Variants in KHDRBS2 observed in about 807,000 individuals in gnomAD.
KHDRBS2 encodes KH RNA binding domain containing, signal transduction associated 2.
A neutral mutation model predicts 44.3 loss-of-function variants in KHDRBS2; 26 were observed. The observed-to-expected ratio is 0.59, with a 90% CI of 0.43 to 0.81. KHDRBS2 has a LOEUF of 0.81. Among genes scored for constraint, KHDRBS2 ranks in the 40% least tolerant of loss-of-function variants. The pLI is 0.00. For missense variants in KHDRBS2, 476 were observed against 433.1 expected, an observed-to-expected ratio of 1.10 and a Z score of -0.88; for synonymous variants, 194 against 151.1, an observed-to-expected ratio of 1.28 and a Z score of -2.08.
chr6:61,688,218 C>T (rs1767025232), intron 8 of KHDRBS2, among the ~76,000 whole-genome samples: 1 of 151,646 alleles, frequency 6.6e-6, no homozygotes, highest in South Asian at 2.1e-4. Context: ...GAGTTAATAA[C>T]TCATTTAAAT....
At chr6:61,851,808 G>A (rs934769348) in intron 6 of KHDRBS2, among the ~76,000 whole-genome samples, 5 of 152,202 alleles carry the variant, frequency 3.3e-5, no homozygotes, top group African/African-American at 9.6e-5. Context: ...CTATTTATAT[G>A]CTACTGCATC....
chr6:61,945,112 A>ATGT (rs1491476068), intron 4 of KHDRBS2, among the ~76,000 whole-genome samples: 1 of 48,416 alleles, frequency 2.1e-5, no homozygotes, highest in African/African-American at 8.2e-5. Context: ...AAAAAAAAAA[A>ATGT]GTATATATAT....
intron 2 of KHDRBS2, among the ~76,000 whole-genome samples, chr6:62,123,280 T>A (rs1337184602): frequency 6.6e-6 from 1 of 152,236 alleles, no homozygotes; most frequent in Non-Finnish European, 1.5e-5. Flanking sequence ...TGCCACATTT[T>A]CTTAATCCAG....
the KHDRBS2 span, among the ~76,000 whole-genome samples, chr6:61,559,878 G>C: frequency 6.6e-6 from 1 of 151,956 alleles, no homozygotes; most frequent in African/African-American, 2.4e-5. Context: ...AACATTCTTT[G>C]TTTTTCTGTG....
intron 7 of KHDRBS2, among the ~76,000 whole-genome samples, chr6:61,712,011 T>G (rs1488891021): frequency 6.6e-6 from 1 of 151,808 alleles, no homozygotes; most frequent in South Asian, 2.1e-4. Context: ...TGCAAAGAGC[T>G]GGGCTTGGCA....
chr6:62,278,767 T>G (rs540328167), intron 1 of KHDRBS2, among the ~76,000 whole-genome samples: 6 of 152,284 alleles, frequency 3.9e-5, no homozygotes, highest in Non-Finnish European at 7.4e-5. Flanking sequence ...TGTGCCAGAC[T>G]GAGTGCTAGA....
At chr6:61,639,021 G>A in the KHDRBS2 span, among the ~76,000 whole-genome samples, 2 of 152,076 alleles carry the variant, frequency 1.3e-5, no homozygotes, top group East Asian at 1.9e-4. Flanking sequence ...GCATCTAGCT[G>A]TTGGGCAAAA....
At chr6:62,058,917 T>A (rs1166368027) in intron 2 of KHDRBS2, among the ~76,000 whole-genome samples, 1 of 151,808 alleles carries the variant, frequency 6.6e-6, no homozygotes, top group Non-Finnish European at 1.5e-5. Flanking sequence ...GACATATTTG[T>A]ATAAAATAAA....
chr6:61,739,849 C>G (rs1170450671), intron 6 of KHDRBS2, among the ~76,000 whole-genome samples: 1 of 151,784 alleles, frequency 6.6e-6, no homozygotes, highest in Non-Finnish European at 1.5e-5. Context: ...CATAAATAAC[C>G]AAAAGAGCAC....
intron 6 of KHDRBS2, among the ~76,000 whole-genome samples, chr6:61,853,744 A>G (rs1795783596): frequency 6.6e-6 from 1 of 152,240 alleles, no homozygotes; most frequent in Non-Finnish European, 1.5e-5. Context: ...GCTCTTTCAC[A>G]TGAAAAATCA....
the KHDRBS2 span, among the ~76,000 whole-genome samples, chr6:61,560,567 C>T: frequency 1.3e-5 from 2 of 152,024 alleles, no homozygotes; most frequent in Non-Finnish European, 2.9e-5. Context: ...CTAATTATTT[C>T]TTCTTTTTAA....
At chr6:62,244,844 G>A (rs1384216562) in intron 1 of KHDRBS2, among the ~76,000 whole-genome samples, 1 of 151,992 alleles carries the variant, frequency 6.6e-6, no homozygotes, top group Non-Finnish European at 1.5e-5. Flanking sequence ...CATTGTATCT[G>A]CAGACGTTTG....
chr6:61,551,601 A>G, the KHDRBS2 span, among the ~76,000 whole-genome samples: 1 of 152,110 alleles, frequency 6.6e-6, no homozygotes, highest in South Asian at 2.1e-4. Context: ...GTTACCCAGC[A>G]CCATTTATAG....
At chr6:62,147,779 C>CT (rs1388271246) in intron 2 of KHDRBS2, among the ~76,000 whole-genome samples, 18 of 152,070 alleles carry the variant, frequency 1.2e-4, no homozygotes, top group Admixed American at 7.9e-4. Flanking sequence ...ACAGCAGTAT[C>CT]TTTTTCTCTT....
At chr6:61,578,649 G>A in the KHDRBS2 span, among the ~76,000 whole-genome samples, 8 of 151,992 alleles carry the variant, frequency 5.3e-5, no homozygotes, top group East Asian at 3.9e-4. Context: ...CATTGCGTTC[G>A]TGTCATAGTC....
intron 1 of KHDRBS2, among the ~76,000 whole-genome samples, chr6:62,251,558 C>T (rs1278661863): frequency 1.3e-5 from 2 of 151,892 alleles, no homozygotes; most frequent in Non-Finnish European, 2.9e-5. Flanking sequence ...AGTCCCTACA[C>T]TTACAACAAT....
intron 2 of KHDRBS2, among the ~76,000 whole-genome samples, chr6:62,069,650 CAA>C: frequency 6.6e-6 from 1 of 151,852 alleles, no homozygotes; most frequent in Admixed American, 6.6e-5. Flanking sequence ...ATTGCTCATG[CAA>C]AGATGATTAA....
intron 4 of KHDRBS2, among the ~76,000 whole-genome samples, chr6:61,956,362 T>G (rs1026422125): frequency 1.3e-5 from 2 of 152,164 alleles, no homozygotes; most frequent in African/African-American, 4.8e-5. Flanking sequence ...TCATAGGGGG[T>G]AAACTGATAA....
intron 2 of KHDRBS2, among the ~76,000 whole-genome samples, chr6:62,058,841 G>T (rs1323915576): frequency 6.6e-6 from 1 of 151,514 alleles, no homozygotes; most frequent in Non-Finnish European, 1.5e-5. Flanking sequence ...AAGAAAAGCA[G>T]AATGATTTAG....
Sources: allele counts gnomAD v4.1 joint callset (sites outside exome capture counted in the v4.1 genomes callset), GRCh38; gene constraint gnomAD v4.1.1; transcripts MANE v1.5; gene names NCBI Gene and HGNC (gene_info 2026-07-23, HGNC 2026-07-21).